The following EXOC6B variants were observed in gnomAD, a reference collection of about 807,000 sequenced individuals.
EXOC6B encodes the protein exocyst complex component 6B, also known as SEC15 homolog B.
In EXOC6B, 54 loss-of-function variants were observed where a neutral mutation model predicts 113.5. The observed-to-expected ratio is 0.48, with a 90% confidence interval of 0.38 to 0.60. The LOEUF (loss-of-function observed/expected upper bound fraction) is 0.60. Among genes scored for constraint, EXOC6B ranks in the 20% least tolerant of loss-of-function variants. The pLI, the probability that EXOC6B is intolerant of heterozygous loss-of-function variation, is 0.00. For missense variants in EXOC6B, 797 were observed against 977.5 expected (o/e 0.82, Z 2.46); for synonymous variants, 357 against 339.0 (o/e 1.05, Z -0.58).
At chr2:72,458,671 C>G (rs1403666293) in intron 18 of EXOC6B, among the ~76,000 whole-genome samples, 1 of 151,976 alleles carries the variant, frequency 6.6e-6, no homozygotes, top group Non-Finnish European at 1.5e-5. Context: ...TTAGAATAAA[C>G]AAAAGAGGGG....
At chr2:72,311,949 C>T (rs1359244216) in intron 20 of EXOC6B, among the ~76,000 whole-genome samples, 1 of 152,184 alleles carries the variant, frequency 6.6e-6, no homozygotes, top group Non-Finnish European at 1.5e-5. Context: ...TATTGATTTC[C>T]TCACTTTATT....
intron 8 of EXOC6B, among the ~76,000 whole-genome samples, chr2:72,517,927 AAAGAC>A (rs1394012184): frequency 6.6e-6 from 1 of 152,220 alleles, no homozygotes; most frequent in African/African-American, 2.4e-5. Flanking sequence ...GATAAAAACA[AAAGAC>A]AAGACCAATT....
At chr2:72,556,797 T>C (rs904700038) in intron 8 of EXOC6B, among the ~76,000 whole-genome samples, 2 of 151,846 alleles carry the variant, frequency 1.3e-5, no homozygotes, top group African/African-American at 2.4e-5. Flanking sequence ...AATTGATGGA[T>C]GTGATTACAT....
Position 72,498,513 on chromosome 2 carries a change from C to G in EXOC6B, c.1278G>C (p.Leu426=). The change falls in exon 13 of 22, where the codon CTG becomes CTC. Residue 426 remains leucine, a synonymous_variant. Transcript: ENST00000272427. ...GFPVNQLFDM[L]LEIRDQYSET... is the part of the protein sequence containing the mutation. ...CACTATATTGGTCTCTGATTTCTAACAGCATGTCAAAAAGCTGATTTACAG... is the reference window on the plus strand; with the variant it reads ...CACTATATTGGTCTCTGATTTCTAAGAGCATGTCAAAAAGCTGATTTACAG... 3 of 1,611,230 alleles carry G rather than the reference C, an allele frequency of 1.9e-6. No homozygotes were observed. The highest frequency in any genetic ancestry group is 2.5e-6 in the Non-Finnish European group (3 of 1,178,898).
intron 18 of EXOC6B, among the ~76,000 whole-genome samples, chr2:72,415,892 C>T (rs1321944232): frequency 6.6e-6 from 1 of 152,178 alleles, no homozygotes; most frequent in African/African-American, 2.4e-5. Context: ...GGCTTATCTT[C>T]TTCAGGATTC....
intron 20 of EXOC6B, among the ~76,000 whole-genome samples, chr2:72,305,151 A>G (rs573531955): frequency 8.1e-4 from 123 of 152,264 alleles, no homozygotes; most frequent in African/African-American, 2.5e-3. Flanking sequence ...ATTATTATCT[A>G]TATTTTGTTG....
intron 1 of EXOC6B, among the ~76,000 whole-genome samples, chr2:72,813,913 G>C (rs1230787203): frequency 1.3e-5 from 2 of 152,136 alleles, no homozygotes; most frequent in Non-Finnish European, 2.9e-5. Flanking sequence ...GAGATACAAA[G>C]TCAAGCACAA....
At chr2:72,552,384 G>A (rs1573378583) in intron 8 of EXOC6B, among the ~76,000 whole-genome samples, 1 of 152,084 alleles carries the variant, frequency 6.6e-6, no homozygotes, top group Non-Finnish European at 1.5e-5. Flanking sequence ...AGGAAGAAAG[G>A]AGTCAGTGTG....
intron 6 of EXOC6B, among the ~76,000 whole-genome samples, chr2:72,583,339 T>C (rs1215042201): frequency 6.6e-6 from 1 of 152,130 alleles, no homozygotes; most frequent in Non-Finnish European, 1.5e-5. Flanking sequence ...AACATACAGA[T>C]ATTAAAAATC....
intron 20 of EXOC6B, among the ~76,000 whole-genome samples, chr2:72,272,660 T>C (rs1445110542): frequency 6.6e-6 from 1 of 152,122 alleles, no homozygotes; most frequent in Non-Finnish European, 1.5e-5. Context: ...AACTAAGCCT[T>C]AGTAACAGGA....
intron 10 of EXOC6B, among the ~76,000 whole-genome samples, 159 bp from the exon 11 acceptor site, chr2:72,513,411 C>G (rs1382373784): frequency 6.6e-6 from 1 of 152,028 alleles, no homozygotes; most frequent in African/African-American, 2.4e-5. Flanking sequence ...AATCAGACTA[C>G]TTGGACCAAA....
intron 19 of EXOC6B, among the ~76,000 whole-genome samples, chr2:72,374,034 T>C (rs904637656): frequency 2.0e-5 from 3 of 152,126 alleles, no homozygotes; most frequent in Non-Finnish European, 4.4e-5. Context: ...GTCATGCCAC[T>C]GTATAGCCTG....
chr2:72,481,971 G>A (rs543420921), intron 16 of EXOC6B, among the ~76,000 whole-genome samples: 1 of 152,270 alleles, frequency 6.6e-6, no homozygotes, highest in African/African-American at 2.4e-5. Context: ...AGTAGTTAAA[G>A]GGACATAATT....
At chr2:72,329,412 G>T (rs1199007530) in intron 20 of EXOC6B, among the ~76,000 whole-genome samples, 1 of 152,072 alleles carries the variant, frequency 6.6e-6, no homozygotes, top group African/African-American at 2.4e-5. Context: ...TTAGGGGACA[G>T]TTTAGACTGG....
chr2:72,290,997 T>G (rs1489034259), intron 20 of EXOC6B, among the ~76,000 whole-genome samples: 2 of 152,168 alleles, frequency 1.3e-5, no homozygotes, highest in Non-Finnish European at 1.5e-5. Flanking sequence ...TCATATATCA[T>G]TAAAGAATGA....
At chr2:72,403,557 G>A (rs1693491335) in intron 18 of EXOC6B, among the ~76,000 whole-genome samples, 1 of 152,062 alleles carries the variant, frequency 6.6e-6, no homozygotes, top group East Asian at 1.9e-4. Flanking sequence ...AATAACCCAG[G>A]CATGGTGGTG....
chr2:72,622,477 G>C (rs1466200168), intron 6 of EXOC6B, among the ~76,000 whole-genome samples: 5 of 152,208 alleles, frequency 3.3e-5, no homozygotes, highest in Non-Finnish European at 7.3e-5. Flanking sequence ...ACTTTGGAAG[G>C]TCAAGGAGGG....
chr2:72,199,954 C>T (rs571284798), intron 20 of EXOC6B, among the ~76,000 whole-genome samples: 7 of 152,102 alleles, frequency 4.6e-5, no homozygotes, highest in African/African-American at 1.2e-4. Flanking sequence ...TGGAGTGCAA[C>T]GGCACGATCT....
chr2:72,555,412 C>G (rs897465051), intron 8 of EXOC6B, among the ~76,000 whole-genome samples: 2 of 152,218 alleles, frequency 1.3e-5, no homozygotes, highest in African/African-American at 4.8e-5. Context: ...TTCTCTCCAG[C>G]ATCTGTTGTT....
Sources: allele counts gnomAD v4.1 joint callset (sites outside exome capture counted in the v4.1 genomes callset), GRCh38; gene constraint gnomAD v4.1.1; transcripts MANE v1.5; gene names NCBI Gene and HGNC (gene_info 2026-07-23, HGNC 2026-07-21).